Variants in NFIX observed in about 807,000 individuals in gnomAD.
NFIX encodes nuclear factor I X, also known as nuclear factor 1 X-type.
Under a neutral mutation model 53.3 loss-of-function variants are expected in NFIX, and 2 were observed. That is an observed-to-expected ratio of 0.04 (90% CI 0.02 to 0.12). The LOEUF is 0.12. Ranked by LOEUF, NFIX falls within the 10% of genes least tolerant of loss-of-function variation. NFIX has a pLI of 1.00. For missense variants in NFIX, 310 were observed against 674.5 expected, an observed-to-expected ratio of 0.46 and a Z score of 5.99; for synonymous variants, 244 against 289.0, an observed-to-expected ratio of 0.84 and a Z score of 1.58.
chr19:13,060,867 AG>A lies in NFIX; in HGVS notation c.560-12177del. 6.6e-6 allele frequency among the ~76,000 whole-genome samples: 1 copy of A among 152,010 alleles called. No individual in the cohort carries two copies. The highest frequency in any genetic ancestry group is 2.1e-4 in the South Asian group (1 of 4,818). ...CGCCCGGCTGCTGCCGCCACTGCAG[AG>A]GGCGCTGATTTTTTTTTTCTTCCTG... is the stretch of plus-strand genomic sequence containing the variant. On this transcript the variant is annotated intron_variant, in intron 2 of 10. Transcript: ENST00000592199. The surrounding 1 kb of genome is among the most constrained non-coding windows in gnomAD (Gnocchi z 4.3).
In NFIX at chr19:13,065,846, A is replaced by G. The variant is rs573858206; in HGVS notation, c.560-7201A>G. Among the ~76,000 whole-genome samples, 14 of 152,292 alleles carry G rather than the reference A, an allele frequency of 9.2e-5. No homozygotes were observed. In the East Asian group the frequency reaches 2.7e-3, roughly 29 times the overall value. ...AGAACGCTGAGTAGCTCACACCAGA[A>G]GAACTCCCTGGAGGGCTCCGGGGCC... On this transcript the variant is annotated intron_variant, in intron 2 of 10. Coordinates refer to ENST00000592199, the MANE Select transcript of NFIX (RefSeq NM_001365902.3).
chr19:13,016,552 T>C (rs1185799768), intron 1 of NFIX, among the ~76,000 whole-genome samples: 1 of 151,974 alleles, frequency 6.6e-6, no homozygotes, highest in Non-Finnish European at 1.5e-5. Flanking sequence ...TTCTTTTTTT[T>C]CTGCACACTT....
rs576196506 is a variant in NFIX, at chr19:13,096,957, A to C, written c.*2308A>C. ...TGGGGACGTGTTAGGAGAGAAAAAA[A>C]AAAAAACAAAAATATATATGGGGGA... On this transcript the variant is annotated 3_prime_UTR_variant, in exon 11 of 11. Transcript: ENST00000592199. 4 of 151,028 alleles carry C rather than the reference A, an allele frequency of 2.6e-5. No homozygotes were observed. Among genetic ancestry groups the C allele is most frequent in the African/African-American group, 9.7e-5 (4 of 41,376 alleles). 9.4% of individuals were successfully genotyped at this position (151,028 alleles called of 1,614,324 possible). A position where few individuals can be genotyped will look rare whatever the true frequency, so the allele number is the denominator to read the frequency against.
Position 12,996,807 on chromosome 19 carries a change from C to T in NFIX, c.27+943C>T, listed in dbSNP as rs948299096. On this transcript the variant is annotated intron_variant, in intron 1 of 10. Coordinates refer to ENST00000592199, the MANE Select transcript of NFIX (RefSeq NM_001365902.3). The surrounding 1 kb of genome is among the most constrained non-coding windows in gnomAD (Gnocchi z 5.2). The stretch of plus-strand genomic sequence containing the variant: ...CCGACCTTGGCGCGTTGCTAGAGCG[C>T]GTCCCGCCTGCAGCGAAGTTCCCTG... Among the ~76,000 whole-genome samples, 2 of 152,268 alleles carry T rather than the reference C, an allele frequency of 1.3e-5. No individual in the cohort carries two copies. The highest frequency in any genetic ancestry group is 3.8e-4 in the East Asian group (2 of 5,200).
chr19:13,043,045 A>G lies in NFIX; in HGVS notation c.559+17493A>G, dbSNP rs776006783. Among the ~76,000 whole-genome samples the G allele has an allele frequency of 2.0e-5, 3 of 152,134 alleles. No individual in the cohort carries two copies. Among genetic ancestry groups the G allele is most frequent in the Non-Finnish European group, 4.4e-5 (3 of 68,032 alleles). On this transcript the variant is annotated intron_variant, in intron 2 of 10. Coordinates refer to ENST00000592199, the MANE Select transcript of NFIX (RefSeq NM_001365902.3). The surrounding 1 kb of genome is among the most constrained non-coding windows in gnomAD (Gnocchi z 4.0). ...ATTGTACATATCGTGTACATTGCACATACATGTCATGTCAGGATGCACTTT... is the reference window on the plus strand; with the variant it reads ...ATTGTACATATCGTGTACATTGCACGTACATGTCATGTCAGGATGCACTTT...
intron 1 of NFIX, among the ~76,000 whole-genome samples, chr19:13,003,707 C>T (rs185131556): frequency 1.3e-5 from 2 of 152,104 alleles, no homozygotes; most frequent in East Asian, 1.9e-4. Flanking sequence ...GGTGCGATCT[C>T]GGCTCACTGC....
At position 13,001,061 on chromosome 19, in the gene NFIX, C is replaced by G. The variant is rs530386987; in HGVS notation, c.27+5197C>G. 8.7e-4 allele frequency among the ~76,000 whole-genome samples: 133 copies of G among 152,260 alleles called. No homozygotes were observed. The highest frequency in any genetic ancestry group is 3.0e-3 in the African/African-American group (126 of 41,540). ...GCTGGGCACTTTCTCCAACACGGTG[C>G]TGAGAATGGGCCTTCTGTCCCCTCC... is the stretch of plus-strand genomic sequence containing the variant. On this transcript the variant is annotated intron_variant, in intron 1 of 10. Transcript: ENST00000592199. The surrounding 1 kb of genome is among the most constrained non-coding windows in gnomAD (Gnocchi z 6.5).
rs184207299 is a variant in NFIX at position 13,028,197 on chromosome 19, C to A, written c.559+2645C>A. 6.6e-6 allele frequency among the ~76,000 whole-genome samples: 1 copy of A among 152,370 alleles called. No homozygotes were observed. Among genetic ancestry groups the A allele is most frequent in the African/African-American group, 2.4e-5 (1 of 41,586 alleles). ...TCTGTGGGCACCACTTTCTCCATGC[C>A]CATGCCTGCCAGGCACACTCAGCAG... is the stretch of plus-strand genomic sequence containing the variant. On this transcript the variant is annotated intron_variant, in intron 2 of 10. Transcript: ENST00000592199. The surrounding 1 kb of genome is among the most constrained non-coding windows in gnomAD (Gnocchi z 4.2).
In NFIX at chr19:13,016,441, G is replaced by A. The variant is rs148940344; in HGVS notation, c.28-8580G>A. Among the ~76,000 whole-genome samples the A allele has an allele frequency of 8.5e-4, 130 of 152,252 alleles. 1 individual carries two copies. Among genetic ancestry groups the A allele is most frequent in the African/African-American group, 3.0e-3 (123 of 41,526 alleles). Reference sequence around the variant, plus strand: ...AGGGCTAAAGGATAAGAAATGGTGAGGAGTAAGTTACTTGCCAATTACATT... The same window carrying A: ...AGGGCTAAAGGATAAGAAATGGTGAAGAGTAAGTTACTTGCCAATTACATT... On this transcript the variant is annotated intron_variant, in intron 1 of 10. Coordinates refer to ENST00000592199, the MANE Select transcript of NFIX (RefSeq NM_001365902.3).
intron 1 of NFIX, among the ~76,000 whole-genome samples, chr19:13,018,504 C>T (rs1318705448): frequency 6.6e-6 from 1 of 152,214 alleles, no homozygotes; most frequent in Non-Finnish European, 1.5e-5. Context: ...GGAAAACAGG[C>T]CCAAGTCAGC....
chr19:13,035,013 C>T (rs1055083149), intron 2 of NFIX, among the ~76,000 whole-genome samples: 7 of 152,160 alleles, frequency 4.6e-5, no homozygotes, highest in South Asian at 2.1e-4. Flanking sequence ...GGCCTTGACC[C>T]GCTAGAAATC....
intron 5 of NFIX, among the ~76,000 whole-genome samples, chr19:13,074,836 G>A (rs1004230899): frequency 3.3e-5 from 5 of 151,810 alleles, no homozygotes; most frequent in African/African-American, 9.7e-5. Flanking sequence ...TTGGGAGGCC[G>A]AGATGGGCGG....
At chr19:13,024,749 T>C (rs1444662075) in intron 1 of NFIX, 17 of 1,511,716 alleles carry the variant, frequency 1.1e-5, no homozygotes, top group Non-Finnish European at 1.5e-5. Context: ...AGAGAGAGAA[T>C]AGGTGTGTGT....
chr19:13,094,845 A>C lies in NFIX; in HGVS notation c.*196A>C. 1.7e-6 allele frequency: 1 copy of C among 589,054 alleles called. No homozygotes were observed. The highest frequency in any genetic ancestry group is 3.0e-6 in the Non-Finnish European group (1 of 333,036). 36.5% of individuals were successfully genotyped at this position (589,054 alleles called of 1,614,324 possible). On this transcript the variant is annotated 3_prime_UTR_variant, in exon 11 of 11. Coordinates refer to ENST00000592199, the MANE Select transcript of NFIX (RefSeq NM_001365902.3). The surrounding 1 kb of genome is among the most constrained non-coding windows in gnomAD (Gnocchi z 4.3). ...GGGCCCCAGAAGCAGCCCAGTTCTC[A>C]GAGAGCCCTTGGAAGGGGTCTCGGT...
chr19:13,041,196 C>T (rs2014595375), intron 2 of NFIX, among the ~76,000 whole-genome samples: 1 of 152,350 alleles, frequency 6.6e-6, no homozygotes, highest in East Asian at 1.9e-4. Context: ...AAACTCTGGA[C>T]ACACAGGGGC....
chr19:13,061,063 G>A (rs904413701), intron 2 of NFIX, among the ~76,000 whole-genome samples: 9 of 151,302 alleles, frequency 5.9e-5, no homozygotes, highest in African/African-American at 2.4e-5. Context: ...GGAATACTCC[G>A]GGAGTCACGT....
intron 2 of NFIX, among the ~76,000 whole-genome samples, chr19:13,048,496 A>C (rs112640620): frequency 2.7e-5 from 4 of 150,718 alleles, no homozygotes; most frequent in African/African-American, 7.3e-5. Context: ...TTTTTTTTTT[A>C]ATTCCCCATC....
chr19:13,081,615 C>T lies in NFIX; in HGVS notation c.1079-65C>T. ...TCTGACCGGCAGCTCCCCTCCTCTCCTGTCCCTCCCACTGGCTGCCTCCTT... is the reference window on the plus strand; with the variant it reads ...TCTGACCGGCAGCTCCCCTCCTCTCTTGTCCCTCCCACTGGCTGCCTCCTT... On this transcript the variant is annotated intron_variant, in intron 7 of 10. Coordinates refer to ENST00000592199, the MANE Select transcript of NFIX (RefSeq NM_001365902.3). This position sits in a 1 kb window ranked among gnomAD's most constrained non-coding sequence, Gnocchi z 4.7. 1.3e-6 allele frequency: 2 copies of T among 1,544,520 alleles called. No individual in the cohort carries two copies. Among genetic ancestry groups the T allele is most frequent in the South Asian group, 1.2e-5 (1 of 82,944 alleles).
At position 13,072,904 on chromosome 19, in the gene NFIX, T is replaced by A. The variant is rs1340299621; in HGVS notation, c.560-143T>A. 2.5e-6 allele frequency: 2 copies of A among 792,082 alleles called. No individual in the cohort carries two copies. Among genetic ancestry groups the A allele is most frequent in the East Asian group, 5.0e-5 (2 of 39,858 alleles). 49.1% of individuals were successfully genotyped at this position (792,082 alleles called of 1,614,324 possible). A position where few individuals can be genotyped will look rare whatever the true frequency, so the allele number is the denominator to read the frequency against. On this transcript the variant is annotated intron_variant, in intron 2 of 10. Coordinates refer to ENST00000592199, the MANE Select transcript of NFIX (RefSeq NM_001365902.3). This position sits in a 1 kb window ranked among gnomAD's most constrained non-coding sequence, Gnocchi z 4.0. ...GTCTCCCGGAGCCTCCTGGGGCTGG[T>A]TTGGGGAGAGGGTGGGGTGAAGGTT...
Sources: allele counts gnomAD v4.1 joint callset (sites outside exome capture counted in the v4.1 genomes callset), GRCh38; gene constraint gnomAD v4.1.1; non-coding constraint Gnocchi (gnomAD v3.1); transcripts MANE v1.5; gene names NCBI Gene and HGNC (gene_info 2026-07-23, HGNC 2026-07-21).